PCNX1: variants seen among roughly 807,000 people sequenced by gnomAD.
The protein encoded by PCNX1 is pecanex 1.
In PCNX1, 78 loss-of-function variants were observed where a neutral mutation model predicts 242.2. The ratio of observed to expected loss-of-function variants is 0.32; its 90% CI spans 0.27 to 0.39. The LOEUF (loss-of-function observed/expected upper bound fraction) is 0.39, where lower values mean the gene tolerates loss of function less well. PCNX1 is among the 10% of genes least tolerant of loss of function. The pLI is 1.00. For synonymous variants in PCNX1, 1,024 were observed against 1,032.9 expected (o/e 0.99, Z 0.17); for missense variants, 2,581 against 2,856.5 (o/e 0.90, Z 2.20).
chr14:70,926,987 G>T (rs1048856885), intron 1 of PCNX1, among the ~76,000 whole-genome samples: 1 of 152,096 alleles, frequency 6.6e-6, no homozygotes, highest in Non-Finnish European at 1.5e-5. Context: ...ACTGGGTATC[G>T]CTTCACTTTC....
intron 1 of PCNX1, among the ~76,000 whole-genome samples, chr14:70,917,836 T>C (rs750083444): frequency 2.6e-5 from 4 of 152,228 alleles, no homozygotes; most frequent in Non-Finnish European, 5.9e-5. Flanking sequence ...GGCATATTCT[T>C]CCAGAAGGTT....
intron 2 of PCNX1, among the ~76,000 whole-genome samples, chr14:70,949,276 C>CACGTGTGTACACACACGT (rs1340578012): frequency 3.4e-5 from 1 of 29,442 alleles, no homozygotes; most frequent in Non-Finnish European, 9.8e-5. Context: ...TATGCACACA[C>CACGTGTGTACACACACGT]GTGTATACAC....
intron 8 of PCNX1, among the ~76,000 whole-genome samples, chr14:71,001,372 A>G (rs944859593): frequency 2.0e-5 from 3 of 152,192 alleles, no homozygotes; most frequent in Non-Finnish European, 2.9e-5. Context: ...GCTCTAGTTT[A>G]TACTTTATCT....
At chr14:70,974,447 C>T (rs1421484776) in intron 5 of PCNX1, among the ~76,000 whole-genome samples, 2 of 152,100 alleles carry the variant, frequency 1.3e-5, no homozygotes, top group East Asian at 3.9e-4. Flanking sequence ...CCACCTTTTT[C>T]ACTTAATTAT....
intron 26 of PCNX1, among the ~76,000 whole-genome samples, chr14:71,071,305 T>C (rs1182836198): frequency 6.6e-6 from 1 of 152,230 alleles, no homozygotes; most frequent in Non-Finnish European, 1.5e-5. Context: ...CTTTTAATTT[T>C]CTTCAAGAAT....
intron 26 of PCNX1, among the ~76,000 whole-genome samples, chr14:71,066,970 T>C (rs2061462576): frequency 6.6e-6 from 1 of 152,214 alleles, no homozygotes; most frequent in Non-Finnish European, 1.5e-5. Context: ...AACTTGATCA[T>C]GGTGAATAAG....
chr14:71,073,507 GT>G, intron 26 of PCNX1, 37 bp from the exon 27 acceptor site: 2 of 1,548,156 alleles, frequency 1.3e-6, no homozygotes, highest in South Asian at 1.2e-5. Flanking sequence ...CCACTTTCTG[GT>G]TTTCCCCCTT....
At chr14:70,989,925 C>A (rs1049775219) in intron 7 of PCNX1, among the ~76,000 whole-genome samples, 2 of 152,180 alleles carry the variant, frequency 1.3e-5, no homozygotes, top group African/African-American at 4.8e-5. Flanking sequence ...CCAAAAGTAC[C>A]ATTTTACAAA....
At chr14:71,044,655 A>C (rs2060807509) in intron 19 of PCNX1, 1 of 153,966 alleles carries the variant, frequency 6.5e-6, no homozygotes, top group Non-Finnish European at 1.4e-5. Flanking sequence ...ACAGTGACCA[A>C]AGCCAGCGGC....
intron 11 of PCNX1, among the ~76,000 whole-genome samples, chr14:71,013,842 T>C (rs1156522114): frequency 6.6e-6 from 1 of 151,974 alleles, no homozygotes; most frequent in Admixed American, 6.6e-5. Flanking sequence ...TGAAGTAGAG[T>C]CCAGCCAACT....
chr14:70,993,688 G>GA lies in PCNX1; in HGVS notation c.2445-2045dup, dbSNP rs553397434. ...GGCAACTTGGCTTATGATGTCAAGT[G>GA]AAAAAAAATCGATAGAAAAATTTGT... On this transcript the variant is annotated intron_variant, in intron 7 of 35. Coordinates refer to ENST00000304743, the MANE Select transcript of PCNX1 (RefSeq NM_014982.3). 1.4e-3 allele frequency among the ~76,000 whole-genome samples: 208 copies of GA among 151,936 alleles called. 2 individuals are homozygous for GA. The highest frequency in any genetic ancestry group is 4.7e-3 in the African/African-American group (193 of 41,430).
chr14:71,008,785 C>A (rs994125424), intron 8 of PCNX1, among the ~76,000 whole-genome samples: 1 of 151,396 alleles, frequency 6.6e-6, no homozygotes, highest in South Asian at 2.1e-4. Context: ...TTGTATACCT[C>A]ATTTCATTGC....
chr14:70,907,657 T>TCTCCTCCTCCTCGTTTGCTGC lies in PCNX1; in HGVS notation c.-181_-161dup, dbSNP rs930099790. The TCTCCTCCTCCTCGTTTGCTGC allele has an allele frequency of 6.4e-6, 3 of 469,330 alleles. No individual in the cohort carries two copies. Among genetic ancestry groups the TCTCCTCCTCCTCGTTTGCTGC allele is most frequent in the Non-Finnish European group, 9.0e-6 (3 of 331,784 alleles). The allele number at this position is 469,330 out of a possible 1,614,324, so 29.1% of individuals were successfully genotyped here. On this transcript the variant is annotated 5_prime_UTR_variant, in exon 1 of 36. Coordinates refer to ENST00000304743, the MANE Select transcript of PCNX1 (RefSeq NM_014982.3). ...CCGCTCGCCGCCTCCTCCTCTCGGG[T>TCTCCTCCTCCTCGTTTGCTGC]CTCCTCCTCCTCGTTTGCTGCCTCC...
chr14:71,049,516 T>C (rs2141152395), intron 22 of PCNX1, among the ~76,000 whole-genome samples: 1 of 152,316 alleles, frequency 6.6e-6, no homozygotes, highest in East Asian at 1.9e-4. Context: ...GTTCTTTTCT[T>C]TAATATTATA....
At chr14:70,975,964 T>C (rs2058675671) in intron 5 of PCNX1, among the ~76,000 whole-genome samples, 3 of 152,206 alleles carry the variant, frequency 2.0e-5, no homozygotes, top group South Asian at 2.1e-4. Context: ...TCTGTAATTA[T>C]TGCTGTTTTT....
Position 71,110,518 on chromosome 14 carries a change from GTC to G in PCNX1, c.*585_*586del, listed in dbSNP as rs1456558403. ...TAATTTTTTACAGCAATGCACTAAAGTCTGAGATTTCTCAGAACATTTATTTA... is the reference window on the plus strand; with the variant it reads ...TAATTTTTTACAGCAATGCACTAAAGTGAGATTTCTCAGAACATTTATTTA... On this transcript the variant is annotated 3_prime_UTR_variant, in exon 36 of 36. Coordinates refer to ENST00000304743, the MANE Select transcript of PCNX1 (RefSeq NM_014982.3). 1.3e-5 allele frequency: 2 copies of G among 152,832 alleles called. No individual in the cohort carries two copies. Among genetic ancestry groups the G allele is most frequent in the African/African-American group, 4.8e-5 (2 of 41,426 alleles). 9.5% of individuals were successfully genotyped at this position (152,832 alleles called of 1,614,324 possible).
intron 30 of PCNX1, among the ~76,000 whole-genome samples, chr14:71,094,087 G>A (rs887525274): frequency 6.6e-6 from 1 of 152,074 alleles, no homozygotes; most frequent in African/African-American, 2.4e-5. Context: ...CATTATTCCA[G>A]GGTCAACTCT....
intron 26 of PCNX1, among the ~76,000 whole-genome samples, 177 bp downstream of exon 26, chr14:71,057,901 A>C (rs942703461): frequency 6.6e-6 from 1 of 152,246 alleles, no homozygotes; most frequent in Non-Finnish European, 1.5e-5. Flanking sequence ...TATTCCAAGA[A>C]GAATCATGTT....
intron 19 of PCNX1, among the ~76,000 whole-genome samples, chr14:71,043,943 AAC>A (rs2060785358): frequency 6.6e-6 from 1 of 152,332 alleles, no homozygotes; most frequent in South Asian, 2.1e-4. Context: ...CATCTGATAT[AAC>A]AGTTTTTCCA....
Sources: allele counts gnomAD v4.1 joint callset (sites outside exome capture counted in the v4.1 genomes callset), GRCh38; gene constraint gnomAD v4.1.1; transcripts MANE v1.5; gene names NCBI Gene and HGNC (gene_info 2026-07-23, HGNC 2026-07-21).